The following BCL7C variants were observed in gnomAD, a reference collection of about 807,000 sequenced individuals.
The protein encoded by BCL7C is BAF chromatin remodeling complex subunit BCL7C, also known as B-cell CLL/lymphoma 7 protein family member C.
Under a neutral mutation model 26.2 loss-of-function variants are expected in BCL7C, and 8 were observed. The observed-to-expected ratio is 0.30, with a 90% CI of 0.18 to 0.55. The LOEUF is 0.55. BCL7C is among the 20% of genes least tolerant of loss of function. BCL7C has a pLI of 0.93. For missense variants in BCL7C, 262 were observed against 298.5 expected (o/e 0.88, Z 0.90); for synonymous variants, 90 against 116.5 (o/e 0.77, Z 1.47).
At position 30,844,041 on chromosome 16, in the gene BCL7C, C is replaced by CAA. The variant is rs533064710; in HGVS notation, c.529-8895_529-8894dup. Among the ~76,000 whole-genome samples the CAA allele has an allele frequency of 7.4e-4, 18 of 24,380 alleles. 2 individuals carry two copies. Among genetic ancestry groups the CAA allele is most frequent in the Admixed American group, 2.8e-3 (4 of 1,414 alleles). 16.0% of individuals were successfully genotyped at this position (24,380 alleles called of 152,430 possible). ...TTGGCGACAAAGCGAGACTCTGCCT[C>CAA]AAAAAAAAAAAAAAAAAAAAAAAAA... On this transcript the variant is annotated intron_variant, in intron 5 of 5. Transcript: ENST00000380317.
At position 30,848,670 on chromosome 16, in the gene BCL7C, G is replaced by A. The variant is rs141752944; in HGVS notation, c.529-13522C>T. On this transcript the variant is annotated intron_variant, in intron 5 of 5. Coordinates refer to the BCL7C transcript ENST00000380317. ...TTTGGGAGGCCGAGGCCAGCAGATC[G>A]CCTGAGGTCAGGAGTTCAAGACCAG... Among the ~76,000 whole-genome samples, 465 of 151,296 alleles carry A rather than the reference G, an allele frequency of 3.1e-3. 2 individuals are homozygous for A. The highest frequency in any genetic ancestry group is 0.011 in the African/African-American group (452 of 41,194).
intron 5 of BCL7C, among the ~76,000 whole-genome samples, chr16:30,853,596 A>G (rs1022965187): frequency 6.6e-6 from 1 of 152,178 alleles, no homozygotes; most frequent in Non-Finnish European, 1.5e-5. Context: ...CACCATGAAC[A>G]TATCTCTATT....
intron 5 of BCL7C, among the ~76,000 whole-genome samples, chr16:30,845,518 G>A (rs2054628663): frequency 6.6e-6 from 1 of 152,184 alleles, no homozygotes; most frequent in Admixed American, 6.5e-5. Context: ...TGGAATAGCA[G>A]CTTCACCTGA....
At chr16:30,841,569 C>A (rs950755320) in intron 5 of BCL7C, among the ~76,000 whole-genome samples, 1 of 152,330 alleles carries the variant, frequency 6.6e-6, no homozygotes, top group African/African-American at 2.4e-5. Flanking sequence ...CACAAGCCTG[C>A]TGTGAACCAA....
At position 30,893,125 on chromosome 16, in the gene BCL7C, G is replaced by A. The variant is rs1367064970; in HGVS notation, c.171+87C>T. 5.0e-6 allele frequency: 7 copies of A among 1,408,988 alleles called. No homozygotes were observed. The highest frequency in any genetic ancestry group is 2.8e-5 in the African/African-American group (2 of 70,258). The allele number at this position is 1,408,988 out of a possible 1,614,324, so 87.3% of individuals were successfully genotyped here. ...TCTGTCCTGCTGCATCTGAGGTCTCGGGGAGCTGGAGGTAGAGGTCAGCGT... is the reference window on the plus strand; with the variant it reads ...TCTGTCCTGCTGCATCTGAGGTCTCAGGGAGCTGGAGGTAGAGGTCAGCGT... On this transcript the variant is annotated intron_variant, in intron 2 of 5. Transcript: ENST00000215115. This position sits in a 1 kb window ranked among gnomAD's most constrained non-coding sequence, Gnocchi z 5.2.
chr16:30,866,437 C>T (rs780494196), intron 5 of BCL7C, among the ~76,000 whole-genome samples: 7 of 151,800 alleles, frequency 4.6e-5, no homozygotes, highest in African/African-American at 1.7e-4. Flanking sequence ...ATTAGCCAGG[C>T]GTGGTGGCAC....
intron 5 of BCL7C, among the ~76,000 whole-genome samples, chr16:30,878,508 C>T (rs578062593): frequency 6.7e-6 from 1 of 149,746 alleles, no homozygotes; most frequent in Non-Finnish European, 1.5e-5. Context: ...CACTGCACTC[C>T]AGCCTGGGCG....
intron 5 of BCL7C, chr16:30,851,752 CT>C: frequency 2.5e-4 from 128 of 510,200 alleles, no homozygotes; most frequent in South Asian, 5.7e-4. Flanking sequence ...TGACCGTGAC[CT>C]TTTTTTGGTG....
chr16:30,865,445 G>A (rs1433479191), intron 5 of BCL7C, among the ~76,000 whole-genome samples: 1 of 151,996 alleles, frequency 6.6e-6, no homozygotes, highest in Non-Finnish European at 1.5e-5. Context: ...TGGCCTAGTG[G>A]TGTGCCTTTG....
At chr16:30,890,447 C>T (rs191401389) in intron 4 of BCL7C, among the ~76,000 whole-genome samples, 3 of 152,072 alleles carry the variant, frequency 2.0e-5, no homozygotes, top group Admixed American at 2.0e-4. Context: ...GATGCTGGCT[C>T]ACTGGCTGAG....
At chr16:30,889,996 A>T (rs531851451) in intron 4 of BCL7C, among the ~76,000 whole-genome samples, 31 of 151,718 alleles carry the variant, frequency 2.0e-4, no homozygotes, top group Non-Finnish European at 3.7e-4. Context: ...TGTGGAGGTG[A>T]CTAGAAGAGA....
At chr16:30,842,844 A>C (rs2054611100) in intron 5 of BCL7C, among the ~76,000 whole-genome samples, 1 of 152,164 alleles carries the variant, frequency 6.6e-6, no homozygotes. Flanking sequence ...CTGGGATTAC[A>C]GGCATGAGCC....
intron 5 of BCL7C, among the ~76,000 whole-genome samples, chr16:30,850,069 G>A (rs2054662834): frequency 6.6e-6 from 1 of 151,816 alleles, no homozygotes; most frequent in Admixed American, 6.6e-5. Flanking sequence ...AATCAGCTGG[G>A]CATGGTGGCA....
intron 5 of BCL7C, among the ~76,000 whole-genome samples, chr16:30,867,675 C>T (rs996615073): frequency 6.6e-6 from 1 of 152,134 alleles, no homozygotes; most frequent in African/African-American, 2.4e-5. Flanking sequence ...TGCCTGTAAT[C>T]CCAGCTACTC....
At chr16:30,872,415 T>C (rs1258602554) in intron 5 of BCL7C, among the ~76,000 whole-genome samples, 1 of 152,240 alleles carries the variant, frequency 6.6e-6, no homozygotes. Context: ...TGGAAAGTGA[T>C]GCCAGTAGCA....
chr16:30,892,697 T>A lies in BCL7C; in HGVS notation c.331A>T (p.Thr111Ser). The A allele has an allele frequency of 6.2e-7, 1 of 1,614,090 alleles. No homozygotes were observed. The highest frequency in any genetic ancestry group is 8.5e-7 in the Non-Finnish European group (1 of 1,179,990). ...FHSEGSLQKG[T>S]EPSPGGTPQP... ...GGGGTGCCCCCAGGACTGGGCTCTGTGCCCTTTTGCAGGGAACCTTCCGAA... is the reference window on the plus strand; with the variant it reads ...GGGGTGCCCCCAGGACTGGGCTCTGAGCCCTTTTGCAGGGAACCTTCCGAA... Residue 111 changes from threonine to serine, a missense_variant, in exon 4 of 6, where the codon ACA becomes TCA. Coordinates refer to ENST00000215115, the MANE Select transcript of BCL7C (RefSeq NM_004765.4).
chr16:30,872,476 A>G (rs1282280704), intron 5 of BCL7C, among the ~76,000 whole-genome samples: 6 of 152,206 alleles, frequency 3.9e-5, no homozygotes, highest in African/African-American at 9.7e-5. Context: ...ACGCACGTTC[A>G]CACACACCCT....
At chr16:30,891,942 T>G in intron 4 of BCL7C, among the ~76,000 whole-genome samples, 3 of 135,662 alleles carry the variant, frequency 2.2e-5, no homozygotes, top group Non-Finnish European at 3.1e-5. Flanking sequence ...CCAGCGTGGG[T>G]GACAGAGACC....
At chr16:30,868,769 G>A (rs764203600) in intron 5 of BCL7C, among the ~76,000 whole-genome samples, 15 of 151,226 alleles carry the variant, frequency 9.9e-5, no homozygotes, top group Non-Finnish European at 2.9e-5. Flanking sequence ...TGGGCAACAA[G>A]AGCGAAACTC....
Sources: allele counts gnomAD v4.1 joint callset (sites outside exome capture counted in the v4.1 genomes callset), GRCh38; gene constraint gnomAD v4.1.1; non-coding constraint Gnocchi (gnomAD v3.1); transcripts MANE v1.5; gene names NCBI Gene and HGNC (gene_info 2026-07-23, HGNC 2026-07-21).